Variants in NFATC3 observed in about 807,000 individuals in gnomAD.
NFATC3 encodes nuclear factor of activated T-cells, cytoplasmic 3.
NFATC3 carries 46 observed loss-of-function variants against 98.6 expected under a neutral mutation model. That is an observed-to-expected ratio of 0.47 (90% CI 0.37 to 0.60). NFATC3 has a LOEUF of 0.60. Ranked by LOEUF, NFATC3 falls within the 20% of genes least tolerant of loss-of-function variation. The pLI is 0.00. For synonymous variants in NFATC3, 512 were observed against 472.2 expected (o/e 1.08, Z -1.09); for missense variants, 1,256 against 1,295.5 (o/e 0.97, Z 0.47).
At chr16:68,092,627 G>A (rs2034787530) in intron 1 of NFATC3, among the ~76,000 whole-genome samples, 1 of 136,416 alleles carries the variant, frequency 7.3e-6, no homozygotes, top group South Asian at 2.5e-4. Context: ...ATCGAAGCTG[G>A]GTGCAGTGCC....
intron 1 of NFATC3, among the ~76,000 whole-genome samples, chr16:68,087,173 T>A (rs2034427550): frequency 6.6e-6 from 1 of 152,212 alleles, no homozygotes; most frequent in South Asian, 2.1e-4. Context: ...CTTGTTTGAG[T>A]ATTTTTATTG....
intron 3 of NFATC3, among the ~76,000 whole-genome samples, chr16:68,143,645 T>TA (rs1271318388): frequency 2.0e-5 from 3 of 152,130 alleles, no homozygotes; most frequent in African/African-American, 7.2e-5. Flanking sequence ...GGTCAGGAGT[T>TA]AAAGGCCAAC....
chr16:68,113,907 G>T (rs1476987928), intron 1 of NFATC3, among the ~76,000 whole-genome samples: 1 of 152,212 alleles, frequency 6.6e-6, no homozygotes, highest in Non-Finnish European at 1.5e-5. Context: ...CGTCCAAACC[G>T]CCAAGTTTCC....
At chr16:68,090,322 AACACACAC>A (rs60304758) in intron 1 of NFATC3, among the ~76,000 whole-genome samples, 1 of 125,802 alleles carries the variant, frequency 7.9e-6, no homozygotes, top group Non-Finnish European at 1.7e-5. Context: ...TTTCTTTAAA[AACACACAC>A]ACACACACAC....
chr16:68,138,790 G>C (rs1341648026), intron 3 of NFATC3: 2 of 1,260,808 alleles, frequency 1.6e-6, no homozygotes, highest in East Asian at 5.6e-5. Context: ...TTAAATCTTT[G>C]GTGGTTAGTG....
At chr16:68,097,606 G>A (rs2035086838) in intron 1 of NFATC3, among the ~76,000 whole-genome samples, 1 of 152,184 alleles carries the variant, frequency 6.6e-6, no homozygotes, top group South Asian at 2.1e-4. Context: ...AGTATTGCAA[G>A]GATGGCAAGG....
Position 68,122,252 on chromosome 16 carries a change from A to C in NFATC3, c.369A>C (p.Glu123Asp). ...ITSISPNCHQ[E>D]LDAHEDDLQI... The stretch of plus-strand genomic sequence containing the variant: ...CTATCTCTCCTAACTGTCATCAAGA[A>C]TTAGATGCACATGAAGATGACCTAC... The change falls in exon 2 of 10, where the codon GAA (glutamate) becomes GAC (aspartate). Residue 123 changes from glutamate to aspartate, a missense_variant. Physicochemically the swap from Glu to Asp is conservative, Grantham distance 45. Coordinates refer to ENST00000346183, the MANE Select transcript of NFATC3 (RefSeq NM_173165.3). 6.2e-7 allele frequency: 1 copy of C among 1,614,174 alleles called. No homozygotes were observed. The highest frequency in any genetic ancestry group is 8.5e-7 in the Non-Finnish European group (1 of 1,180,034).
chr16:68,141,095 T>C (rs1221547742), intron 3 of NFATC3, among the ~76,000 whole-genome samples: 1 of 152,228 alleles, frequency 6.6e-6, no homozygotes, highest in Non-Finnish European at 1.5e-5. Flanking sequence ...TCACTTTGAA[T>C]AATGGCCTTC....
intron 3 of NFATC3, among the ~76,000 whole-genome samples, chr16:68,145,669 TG>T (rs1260086195): frequency 3.9e-5 from 6 of 152,210 alleles, no homozygotes; most frequent in African/African-American, 1.4e-4. Flanking sequence ...ACTGTAGAGA[TG>T]GACAATAGAT....
chr16:68,141,265 T>C lies in NFATC3; in HGVS notation c.1401+14655T>C, dbSNP rs116532836. 5.5e-3 allele frequency among the ~76,000 whole-genome samples: 838 copies of C among 152,342 alleles called. 7 individuals carry two copies. Among genetic ancestry groups the C allele is most frequent in the African/African-American group, 0.019 (782 of 41,578 alleles). On this transcript the variant is annotated intron_variant, in intron 3 of 9. Coordinates refer to ENST00000346183, the MANE Select transcript of NFATC3 (RefSeq NM_173165.3). ...CAGTTGTTAATTGTGCTGTGAATAA[T>C]GTATGTATGCAGGTGTCTTTTTGAC...
intron 9 of NFATC3, among the ~76,000 whole-genome samples, chr16:68,221,860 T>C (rs560543859): frequency 2.0e-5 from 3 of 152,206 alleles, no homozygotes; most frequent in East Asian, 1.9e-4. Context: ...TCCATTATAA[T>C]CAATACCACA....
At chr16:68,135,603 GTC>G (rs2151528476) in intron 3 of NFATC3, among the ~76,000 whole-genome samples, 1 of 151,948 alleles carries the variant, frequency 6.6e-6, no homozygotes, top group African/African-American at 2.4e-5. Flanking sequence ...TGGAAGAACT[GTC>G]TGTTTAATTA....
intron 6 of NFATC3, among the ~76,000 whole-genome samples, chr16:68,177,612 T>C (rs1017703868): frequency 6.6e-6 from 1 of 152,110 alleles, no homozygotes; most frequent in Non-Finnish European, 1.5e-5. Flanking sequence ...TGTTTTTTCT[T>C]AATTAAAATT....
In NFATC3 at chr16:68,122,634, G is replaced by A; in HGVS notation, c.751G>A (p.Asp251Asn). ...CCACTCTCCTAGATCCAGTGTCACT[G>A]ATGAGAATTGGCTGAGCCCCAGGCC... Reference protein sequence around the residue: ...PCHSPRSSVTDENWLSPRPAS... With the variant: ...PCHSPRSSVTNENWLSPRPAS... The change falls in exon 2 of 10, where the codon GAT becomes AAT. Residue 251 changes from aspartate to asparagine, a missense_variant. By Grantham distance (23) the Asp-to-Asn change is conservative. Transcript: ENST00000346183. 1 of 1,614,124 alleles carries A rather than the reference G, an allele frequency of 6.2e-7. No homozygotes were observed. Among genetic ancestry groups the A allele is most frequent in the East Asian group, 2.2e-5 (1 of 44,868 alleles).
Position 68,124,885 on chromosome 16 carries a change from C to G in NFATC3, c.1239-1563C>G, listed in dbSNP as rs553206048. Among the ~76,000 whole-genome samples the G allele has an allele frequency of 1.4e-3, 212 of 152,210 alleles. 2 individuals carry two copies. Among genetic ancestry groups the G allele is most frequent in the Middle Eastern group, 0.01 (3 of 294 alleles). ...CTGGGATTCCAGGCACCTGCCACCA[C>G]GCCTGGCTAATTTTTTTGTATTTTT... On this transcript the variant is annotated intron_variant, in intron 2 of 9. Transcript: ENST00000346183.
At chr16:68,185,550 T>C (rs1429106235) in intron 8 of NFATC3, among the ~76,000 whole-genome samples, 1 of 152,084 alleles carries the variant, frequency 6.6e-6, no homozygotes, top group Non-Finnish European at 1.5e-5. Context: ...GGGGGTTTGA[T>C]TACTTACTAC....
intron 6 of NFATC3, among the ~76,000 whole-genome samples, chr16:68,175,571 T>G (rs2039653867): frequency 6.6e-6 from 1 of 152,216 alleles, no homozygotes; most frequent in South Asian, 2.1e-4. Flanking sequence ...AAAGACTTTT[T>G]TTTTTTGAGA....
chr16:68,164,802 C>A (rs1204093872), intron 4 of NFATC3, among the ~76,000 whole-genome samples: 1 of 152,030 alleles, frequency 6.6e-6, no homozygotes, highest in African/African-American at 2.4e-5. Flanking sequence ...ATCCCTTGAA[C>A]CCGGGAGGCA....
intron 9 of NFATC3, among the ~76,000 whole-genome samples, chr16:68,201,530 CA>C (rs2040914875): frequency 6.6e-6 from 1 of 150,940 alleles, no homozygotes; most frequent in African/African-American, 2.4e-5. Context: ...CTTGGCCTCC[CA>C]AAGTGCTGGT....
Sources: gnomAD v4.1 joint callset for allele counts (sites outside exome capture counted in the v4.1 genomes callset) on GRCh38, gnomAD v4.1.1 for gene constraint, MANE v1.5 for transcripts, NCBI Gene and HGNC (gene_info 2026-07-23, HGNC 2026-07-21) for gene names.